LYST: variants seen among roughly 807,000 people sequenced by gnomAD.
LYST encodes lysosomal trafficking regulator.
A neutral mutation model predicts 413.6 loss-of-function variants in LYST; 192 were observed. The observed-to-expected ratio is 0.46, with a 90% CI of 0.41 to 0.52. LYST has a LOEUF of 0.52. Among genes scored for constraint, LYST ranks in the 20% least tolerant of loss-of-function variants. The pLI, the probability that LYST is intolerant of heterozygous loss-of-function variation, is 0.00. For missense variants in LYST, 3,815 were observed against 4,499.9 expected (o/e 0.85, Z 4.35); for synonymous variants, 1,525 against 1,567.3 (o/e 0.97, Z 0.64).
chr1:235,863,242 A>G (rs910374716), intron 1 of LYST, among the ~76,000 whole-genome samples: 5 of 151,784 alleles, frequency 3.3e-5, no homozygotes, highest in Admixed American at 2.6e-4. Flanking sequence ...AACACAAAAA[A>G]TCAGCCGGGT....
At chr1:235,822,917 GC>G (rs1322736712) in intron 3 of LYST, among the ~76,000 whole-genome samples, 1 of 152,162 alleles carries the variant, frequency 6.6e-6, no homozygotes, top group Admixed American at 6.5e-5. Flanking sequence ...CTGGCCAACA[GC>G]CCCACCCAAT....
intron 46 of LYST, among the ~76,000 whole-genome samples, chr1:235,696,732 C>T (rs566534078): frequency 6.6e-6 from 1 of 152,268 alleles, no homozygotes; most frequent in South Asian, 2.1e-4. Flanking sequence ...TTGCTTAAAC[C>T]CATGACTATA....
chr1:235,804,053 G>A (rs1672541306), intron 7 of LYST, among the ~76,000 whole-genome samples: 1 of 152,160 alleles, frequency 6.6e-6, no homozygotes. Flanking sequence ...TATTTTCTAT[G>A]TAGGCACTAG....
At chr1:235,692,891 C>T (rs992000396) in intron 47 of LYST, among the ~76,000 whole-genome samples, 4 of 151,876 alleles carry the variant, frequency 2.6e-5, no homozygotes, top group Middle Eastern at 3.2e-3. Context: ...CATGGTGGCA[C>T]GCACCTGTAG....
chr1:235,737,190 T>TC (rs1054324024), intron 31 of LYST: 2 of 152,164 alleles, frequency 1.3e-5, no homozygotes, highest in Non-Finnish European at 2.9e-5. Context: ...AAAGACATCT[T>TC]CAACTGCACT....
At chr1:235,798,600 A>AAAAAAAAAAAAAAAAAAAC (rs1671841626) in intron 10 of LYST, among the ~76,000 whole-genome samples, 1 of 111,360 alleles carries the variant, frequency 9.0e-6, no homozygotes, top group Non-Finnish European at 2.0e-5. Flanking sequence ...AAAAAAAAAA[A>AAAAAAAAAAAAAAAAAAAC]AAAAAAAAAA....
rs1662731710 is a variant in LYST, at chr1:235,715,236, A to G, written c.9749T>C (p.Met3250Thr). 2 of 1,613,982 alleles carry G rather than the reference A, an allele frequency of 1.2e-6. No individual in the cohort carries two copies. Among genetic ancestry groups the G allele is most frequent in the Admixed American group, 1.7e-5 (1 of 60,002 alleles). ...SGTVLHFLVRMPPFTKMFLAY... is the reference protein window; with the variant it reads ...SGTVLHFLVRTPPFTKMFLAY... Reference sequence around the variant, plus strand: ...TAAAAACATTTTAGTGAAAGGAGGCATCCTGACCAGGAAGTGAAGCACAGT... The same window carrying G: ...TAAAAACATTTTAGTGAAAGGAGGCGTCCTGACCAGGAAGTGAAGCACAGT... Residue 3250 changes from methionine to threonine, a missense_variant, in exon 42 of 53, where the codon ATG becomes ACG. Coordinates refer to ENST00000389793, the MANE Select transcript of LYST (RefSeq NM_000081.4).
At position 235,806,193 on chromosome 1, in the gene LYST, A is replaced by G; in HGVS notation, c.2943T>C (p.Phe981=). ...YMLSSVFQKQ[F]YRLGGFRVCH... ...ATACTCGGAAACCACCAAGCCTATA[A>G]AACTGTTTCTGGAACACTGAACTCA... The change falls in exon 6 of 53, where the codon TTT becomes TTC. Residue 981 remains phenylalanine (F), a synonymous_variant. Transcript: ENST00000389793. 6.2e-7 allele frequency: 1 copy of G among 1,613,960 alleles called. No individual in the cohort carries two copies. The highest frequency in any genetic ancestry group is 8.5e-7 in the Non-Finnish European group (1 of 1,179,984).
rs1458773312 is a variant in LYST, at chr1:235,677,678, T to C, written c.10801-59A>G. 3 of 1,344,922 alleles carry C rather than the reference T, an allele frequency of 2.2e-6. No individual in the cohort carries two copies. The Admixed American group carries it at 5.1e-5, about 23-fold the overall frequency. The allele number at this position is 1,344,922 out of a possible 1,614,324, so 83.3% of individuals were successfully genotyped here. ...CACAACAAAAAGTACTCTAGTATAGTATCTCAAAAATAAAACAACCAAAGT... is the reference window on the plus strand; with the variant it reads ...CACAACAAAAAGTACTCTAGTATAGCATCTCAAAAATAAAACAACCAAAGT... On this transcript the variant is annotated intron_variant, in intron 48 of 52. Transcript: ENST00000389793.
intron 13 of LYST, among the ~76,000 whole-genome samples, chr1:235,787,921 G>T (rs992144382): frequency 3.9e-5 from 6 of 152,018 alleles, no homozygotes; most frequent in Non-Finnish European, 7.4e-5. Context: ...TAAAAGACCT[G>T]TATCTATACT....
chr1:235,664,129 T>C lies in LYST; in HGVS notation c.11196-74A>G. ...CTAAAAAGCCCTCTATATTTGTTTA[T>C]TTGTTAAAAATCATGTGGAAGGAAA... On this transcript the variant is annotated intron_variant, in intron 51 of 52. Transcript: ENST00000389793. The surrounding 1 kb of genome is among the most constrained non-coding windows in gnomAD (Gnocchi z 4.5). 8.5e-7 allele frequency: 1 copy of C among 1,179,354 alleles called. No homozygotes were observed. The highest frequency in any genetic ancestry group is 1.3e-6 in the Non-Finnish European group (1 of 786,718). 73.1% of individuals were successfully genotyped at this position (1,179,354 alleles called of 1,614,324 possible).
intron 47 of LYST, among the ~76,000 whole-genome samples, chr1:235,691,460 A>G (rs999063035): frequency 5.3e-5 from 8 of 152,224 alleles, no homozygotes; most frequent in Non-Finnish European, 1.2e-4. Flanking sequence ...CAGTCCATTT[A>G]GGAAAAATCA....
chr1:235,677,805 C>T (rs779077294), intron 48 of LYST, among the ~76,000 whole-genome samples, 186 bp from the exon 49 acceptor site: 3 of 152,096 alleles, frequency 2.0e-5, no homozygotes, highest in Non-Finnish European at 2.9e-5. Flanking sequence ...TTCCAGTTAT[C>T]TGGTTTTCAT....
intron 4 of LYST, among the ~76,000 whole-genome samples, chr1:235,810,990 C>T (rs933561330): frequency 2.0e-5 from 3 of 152,008 alleles, no homozygotes; most frequent in Non-Finnish European, 4.4e-5. Context: ...AGTAAAAATA[C>T]AAAAATTAGT....
intron 40 of LYST, among the ~76,000 whole-genome samples, chr1:235,719,972 T>C (rs1296964437): frequency 2.0e-5 from 3 of 151,906 alleles, no homozygotes; most frequent in Non-Finnish European, 2.9e-5. Flanking sequence ...GGTCAAGAGA[T>C]AGAGACCATC....
intron 1 of LYST, among the ~76,000 whole-genome samples, chr1:235,862,806 AACACACACACAC>A (rs57043954): frequency 0.016 from 1,944 of 121,520 alleles, 54 homozygotes; most frequent in African/African-American, 0.056. Flanking sequence ...AAAACAAACA[AACACACACACAC>A]ACACACACAC....
intron 46 of LYST, among the ~76,000 whole-genome samples, chr1:235,695,029 T>C (rs1572015008): frequency 6.6e-6 from 1 of 152,204 alleles, no homozygotes. Flanking sequence ...AGCTACAACA[T>C]TGTTCAGTCA....
chr1:235,827,486 C>T lies in LYST; in HGVS notation c.192+2740G>A. ...TTCATGAGAAGCACAGATAGAAAAA[C>T]TAAATTTCCTCCTAAAACATACAAC... On this transcript the variant is annotated intron_variant, in intron 3 of 52. Coordinates refer to ENST00000389793, the MANE Select transcript of LYST (RefSeq NM_000081.4). The T allele has an allele frequency of 1.0e-5, 10 of 982,916 alleles. No individual in the cohort carries two copies. In the South Asian group the frequency reaches 4.7e-4, roughly 46 times the overall value. 60.9% of individuals were successfully genotyped at this position (982,916 alleles called of 1,614,324 possible). A position where few individuals can be genotyped will look rare whatever the true frequency, so the allele number is the denominator to read the frequency against.
intron 14 of LYST, 132 bp downstream of exon 14, chr1:235,787,067 AC>A: frequency 1.4e-6 from 1 of 689,898 alleles, no homozygotes; most frequent in Non-Finnish European, 2.4e-6. Context: ...AAAAGAAACA[AC>A]AAAAAATATA....
Sources: allele counts gnomAD v4.1 joint callset (sites outside exome capture counted in the v4.1 genomes callset), GRCh38; gene constraint gnomAD v4.1.1; non-coding constraint Gnocchi (gnomAD v3.1); transcripts MANE v1.5; gene names NCBI Gene and HGNC (gene_info 2026-07-23, HGNC 2026-07-21).